The following SH3GLB1 variants were observed in gnomAD, a reference collection of about 807,000 sequenced individuals.
SH3GLB1 encodes the protein SH3 domain containing GRB2 like, endophilin B1.
SH3GLB1 carries 17 observed loss-of-function variants against 42.0 expected under a neutral mutation model. That is an observed-to-expected ratio of 0.40 (90% CI 0.28 to 0.61). The LOEUF (loss-of-function observed/expected upper bound fraction) is 0.61, where lower values mean the gene tolerates loss of function less well. SH3GLB1 is among the 20% of genes least tolerant of loss of function. SH3GLB1 has a pLI of 0.36. For missense variants in SH3GLB1, 355 were observed against 426.3 expected, an observed-to-expected ratio of 0.83 and a Z score of 1.47; for synonymous variants, 132 against 146.6, an observed-to-expected ratio of 0.90 and a Z score of 0.72.
chr1:86,727,941 A>G (rs1419038491), intron 5 of SH3GLB1, among the ~76,000 whole-genome samples: 2 of 152,058 alleles, frequency 1.3e-5, no homozygotes, highest in African/African-American at 4.8e-5. Context: ...AAGGTTTACT[A>G]GAAATGTAAG....
chr1:86,741,219 A>G (rs1211116486), intron 7 of SH3GLB1, among the ~76,000 whole-genome samples: 1 of 152,184 alleles, frequency 6.6e-6, no homozygotes, highest in Non-Finnish European at 1.5e-5. Context: ...TTAAGGATAC[A>G]GGGAATTTTG....
chr1:86,720,235 T>C (rs1654794114), intron 3 of SH3GLB1, among the ~76,000 whole-genome samples: 1 of 152,186 alleles, frequency 6.6e-6, no homozygotes, highest in African/African-American at 2.4e-5. Context: ...ATAATACTTG[T>C]GATATTGCAA....
At chr1:86,713,257 T>A (rs2101920462) in intron 1 of SH3GLB1, among the ~76,000 whole-genome samples, 1 of 152,144 alleles carries the variant, frequency 6.6e-6, no homozygotes, top group South Asian at 2.1e-4. Context: ...TTTTTTGGAT[T>A]TTTTTGTAGA....
At chr1:86,722,398 TA>T (rs1372612391) in intron 3 of SH3GLB1, 141 bp from the exon 4 acceptor site, 1 of 633,018 alleles carries the variant, frequency 1.6e-6, no homozygotes, top group East Asian at 3.0e-5. Context: ...CTACCTTAAT[TA>T]CAGTTAATTC....
intron 5 of SH3GLB1, among the ~76,000 whole-genome samples, chr1:86,733,933 T>G (rs1468411315): frequency 6.6e-6 from 1 of 152,130 alleles, no homozygotes; most frequent in Non-Finnish European, 1.5e-5. Flanking sequence ...TGAAGTTCGA[T>G]CATAACTTAA....
intron 1 of SH3GLB1, 80 bp downstream of exon 1, chr1:86,705,051 C>G: frequency 2.1e-6 from 2 of 932,864 alleles, no homozygotes; most frequent in South Asian, 1.7e-5. Flanking sequence ...CGCGGCGCCC[C>G]CGGGCCTCGC....
At chr1:86,713,874 T>A (rs1654358538) in intron 1 of SH3GLB1, among the ~76,000 whole-genome samples, 1 of 152,264 alleles carries the variant, frequency 6.6e-6, no homozygotes, top group Non-Finnish European at 1.5e-5. Context: ...TTATCTATTG[T>A]CTGTCTTTGC....
chr1:86,723,852 A>G (rs1228799930), intron 4 of SH3GLB1, among the ~76,000 whole-genome samples: 1 of 152,128 alleles, frequency 6.6e-6, no homozygotes, highest in African/African-American at 2.4e-5. Flanking sequence ...AATCTGTAAC[A>G]ATTTGAAAGT....
intron 5 of SH3GLB1, chr1:86,728,624 T>C (rs555822850): frequency 1.2e-4 from 64 of 516,010 alleles, no homozygotes; most frequent in African/African-American, 1.2e-3. Flanking sequence ...GAAAAAATAC[T>C]AGCTGAAGTA....
intron 1 of SH3GLB1, among the ~76,000 whole-genome samples, chr1:86,707,205 G>T (rs572472903): frequency 6.6e-6 from 1 of 152,300 alleles, no homozygotes; most frequent in South Asian, 2.1e-4. Flanking sequence ...CATTAGTATC[G>T]TGTATAGATA....
chr1:86,740,721 G>A (rs545814675), intron 7 of SH3GLB1, among the ~76,000 whole-genome samples: 1 of 152,282 alleles, frequency 6.6e-6, no homozygotes, highest in African/African-American at 2.4e-5. Context: ...GATCAGGTAT[G>A]AAGTCACTAG....
Position 86,747,165 on chromosome 1 carries a change from G to C in SH3GLB1, c.*3930G>C, listed in dbSNP as rs1215284967. On this transcript the variant is annotated 3_prime_UTR_variant, in exon 9 of 9. Transcript: ENST00000370558. ...TAATTTATTTGTTTAGTGTATATCT[G>C]TCACTCTAGAATGTAGGCTCCCTGA... is the stretch of plus-strand genomic sequence containing the variant. 2 of 152,550 alleles carry C rather than the reference G, an allele frequency of 1.3e-5. No homozygotes were observed. Among genetic ancestry groups the C allele is most frequent in the African/African-American group, 4.8e-5 (2 of 41,412 alleles). The allele number at this position is 152,550 out of a possible 1,614,324, so 9.4% of individuals were successfully genotyped here.
In SH3GLB1 at chr1:86,742,308, A is replaced by G. The variant is rs1454429938; in HGVS notation, c.862A>G (p.Ser288Gly). The G allele has an allele frequency of 6.2e-7, 1 of 1,614,166 alleles. No individual in the cohort carries two copies. Among genetic ancestry groups the G allele is most frequent in the Non-Finnish European group, 8.5e-7 (1 of 1,180,024 alleles). ...AIGSSAMASTSGLVITSPSNL... is the reference protein window; with the variant it reads ...AIGSSAMASTGGLVITSPSNL... ...TGGTTCTTCTGCCATGGCTTCAACA[A>G]GTGGCCTAGTAATCACCTCTCCTTC... Residue 288 changes from serine to glycine, a missense_variant, in exon 8 of 9, where the codon AGT (serine) becomes GGT (glycine). Transcript: ENST00000370558.
Position 86,704,801 on chromosome 1 carries a change from C to T in SH3GLB1, c.-99C>T. ...TGGCGCCGCCTCCCTCCACCTACCA[C>T]GTCTGCCCTCGCCGCTCTAGCCCTG... On this transcript the variant is annotated 5_prime_UTR_variant, in exon 1 of 9. The change creates a new upstream start codon in the 5' untranslated region. Coordinates refer to ENST00000370558, the MANE Select transcript of SH3GLB1 (RefSeq NM_016009.5). 3.0e-6 allele frequency: 2 copies of T among 666,252 alleles called. No homozygotes were observed. Among genetic ancestry groups the T allele is most frequent in the Non-Finnish European group, 4.9e-6 (2 of 409,956 alleles). 41.3% of individuals were successfully genotyped at this position (666,252 alleles called of 1,614,324 possible).
At chr1:86,740,724 G>A (rs1367771888) in intron 7 of SH3GLB1, among the ~76,000 whole-genome samples, 1 of 152,160 alleles carries the variant, frequency 6.6e-6, no homozygotes, top group Non-Finnish European at 1.5e-5. Context: ...CAGGTATGAA[G>A]TCACTAGAAG....
chr1:86,735,751 C>T (rs558007976), intron 7 of SH3GLB1, among the ~76,000 whole-genome samples: 3 of 152,312 alleles, frequency 2.0e-5, no homozygotes, highest in Admixed American at 6.5e-5. Context: ...GCAAACAAAA[C>T]AGGCAAAGAT....
chr1:86,718,042 GTTT>G (rs34852185), intron 2 of SH3GLB1, among the ~76,000 whole-genome samples: 1 of 139,538 alleles, frequency 7.2e-6, no homozygotes. Flanking sequence ...ACACAAAGCT[GTTT>G]TTTTTTTTTT....
At chr1:86,728,356 G>C (rs1169320894) in intron 5 of SH3GLB1, 1 of 912,044 alleles carries the variant, frequency 1.1e-6, no homozygotes, top group Non-Finnish European at 1.7e-6. Context: ...TTGTTTCACT[G>C]TGTTCATTGG....
intron 2 of SH3GLB1, among the ~76,000 whole-genome samples, chr1:86,718,838 C>T (rs879821276): frequency 1.3e-5 from 2 of 152,060 alleles, no homozygotes; most frequent in Non-Finnish European, 2.9e-5. Context: ...TCTATTATTG[C>T]TTTAACCTTT....
Sources: allele counts gnomAD v4.1 joint callset (sites outside exome capture counted in the v4.1 genomes callset), GRCh38; gene constraint gnomAD v4.1.1; transcripts MANE v1.5; gene names NCBI Gene and HGNC (gene_info 2026-07-23, HGNC 2026-07-21).